GNA14: variants seen among roughly 807,000 people sequenced by gnomAD.
GNA14 encodes the protein guanine nucleotide-binding protein subunit alpha-14.
A neutral mutation model predicts 42.0 loss-of-function variants in GNA14; 50 were observed. That is an observed-to-expected ratio of 1.19 (90% CI 0.95 to 1.51). The LOEUF is 1.51. Among genes scored for constraint, GNA14 ranks in the 40% most tolerant of loss-of-function variants. The probability of loss-of-function intolerance (pLI) is 0.00; values close to 1 mark genes in which losing one functional copy is unlikely to be tolerated. For synonymous variants in GNA14, 173 were observed against 163.1 expected (o/e 1.06, Z -0.46); for missense variants, 473 against 446.2 (o/e 1.06, Z -0.54).
At chr9:77,539,173 G>T (rs548402793) in intron 1 of GNA14, among the ~76,000 whole-genome samples, 5 of 152,292 alleles carry the variant, frequency 3.3e-5, no homozygotes, top group African/African-American at 9.6e-5. Flanking sequence ...TTCAAGGTAT[G>T]TATGTTCCTT....
chr9:77,424,963 A>G (rs1835432233), intron 6 of GNA14, among the ~76,000 whole-genome samples: 2 of 152,168 alleles, frequency 1.3e-5, no homozygotes, highest in South Asian at 4.1e-4. Context: ...TGTACCAGAA[A>G]CAATTAGCAA....
chr9:77,493,197 A>C, intron 2 of GNA14, among the ~76,000 whole-genome samples: 1 of 151,502 alleles, frequency 6.6e-6, no homozygotes, highest in East Asian at 1.9e-4. Context: ...CTGTAAGCCC[A>C]CACAAAGTCT....
At position 77,595,958 on chromosome 9, in the gene GNA14, A is replaced by C. The variant is rs144056144; in HGVS notation, c.124+51712T>G. Among the ~76,000 whole-genome samples the C allele has an allele frequency of 6.4e-3, 970 of 152,148 alleles. 7 individuals are homozygous for C. The highest frequency in any genetic ancestry group is 0.011 in the Non-Finnish European group (742 of 68,000). ...CAGGGCTACATTTGTCTCCCAGGAT[A>C]AGGAGAATAGAGATGGCACACTGGG... On this transcript the variant is annotated intron_variant, in intron 1 of 6. Transcript: ENST00000341700.
intron 1 of GNA14, among the ~76,000 whole-genome samples, chr9:77,627,064 C>G (rs1824023162): frequency 6.6e-6 from 1 of 152,092 alleles, no homozygotes; most frequent in Admixed American, 6.5e-5. Context: ...ACTACTGATC[C>G]CACAGAAATA....
In GNA14 at chr9:77,586,572, T is replaced by C. The variant is rs925559206; in HGVS notation, c.125-57319A>G. Among the ~76,000 whole-genome samples the C allele has an allele frequency of 3.3e-5, 5 of 152,176 alleles. No homozygotes were observed. The South Asian group carries it at 6.2e-4, about 19-fold the overall frequency. On this transcript the variant is annotated intron_variant, in intron 1 of 6. Coordinates refer to ENST00000341700, the MANE Select transcript of GNA14 (RefSeq NM_004297.4). ...AGTAAGTTTAAGAGCAGAGGCTTAA[T>C]AGGCGAAAGAAAGAGAACAGCTCTC...
chr9:77,513,446 C>A (rs1026478692), intron 2 of GNA14, among the ~76,000 whole-genome samples: 1 of 152,210 alleles, frequency 6.6e-6, no homozygotes, highest in Non-Finnish European at 1.5e-5. Context: ...AAGATAAAAT[C>A]ATATATTTCC....
chr9:77,592,874 T>C (rs866501593), intron 1 of GNA14, among the ~76,000 whole-genome samples: 9 of 152,156 alleles, frequency 5.9e-5, no homozygotes, highest in Admixed American at 6.5e-5. Context: ...TAGCACCAAA[T>C]ACAAGCAGGC....
At chr9:77,603,192 AT>A (rs1393212095) in intron 1 of GNA14, among the ~76,000 whole-genome samples, 2 of 152,194 alleles carry the variant, frequency 1.3e-5, no homozygotes, top group Non-Finnish European at 2.9e-5. Context: ...ACCAGAGATC[AT>A]CTCCTACTGT....
At chr9:77,645,708 G>A (rs1424358926) in intron 1 of GNA14, among the ~76,000 whole-genome samples, 2 of 152,112 alleles carry the variant, frequency 1.3e-5, no homozygotes, top group African/African-American at 2.4e-5. Context: ...GTAAATGCGA[G>A]AATTTTACAT....
chr9:77,555,725 C>T (rs1352409981), intron 1 of GNA14, among the ~76,000 whole-genome samples: 2 of 152,140 alleles, frequency 1.3e-5, no homozygotes, highest in Non-Finnish European at 2.9e-5. Flanking sequence ...ACGACGATGT[C>T]CACTGCACCA....
intron 1 of GNA14, among the ~76,000 whole-genome samples, chr9:77,621,287 T>C (rs1174022516): frequency 6.6e-6 from 1 of 152,176 alleles, no homozygotes; most frequent in Non-Finnish European, 1.5e-5. Flanking sequence ...TTTAAACAAA[T>C]GAAGATAATT....
At position 77,577,571 on chromosome 9, in the gene GNA14, G is replaced by C. The variant is rs544199665; in HGVS notation, c.125-48318C>G. 2.3e-3 allele frequency among the ~76,000 whole-genome samples: 350 copies of C among 152,270 alleles called. 1 individual carries two copies. Among genetic ancestry groups the C allele is most frequent in the African/African-American group, 8.2e-3 (342 of 41,552 alleles). On this transcript the variant is annotated intron_variant, in intron 1 of 6. Coordinates refer to ENST00000341700, the MANE Select transcript of GNA14 (RefSeq NM_004297.4). ...CTGTCATCAGTGAGACATGACTTCT[G>C]TTCACCAAAGAGACTTTCAAGAGAC...
At chr9:77,543,275 C>T (rs867560601) in intron 1 of GNA14, among the ~76,000 whole-genome samples, 6 of 152,186 alleles carry the variant, frequency 3.9e-5, no homozygotes, top group Non-Finnish European at 7.3e-5. Flanking sequence ...TCAATGGGAA[C>T]GGCATAGGCA....
At chr9:77,520,160 A>C (rs58071194) in intron 2 of GNA14, among the ~76,000 whole-genome samples, 1 of 152,202 alleles carries the variant, frequency 6.6e-6, no homozygotes, top group African/African-American at 2.4e-5. Context: ...CTAGGATACT[A>C]TTGCAGAGCT....
intron 1 of GNA14, among the ~76,000 whole-genome samples, chr9:77,577,546 C>G (rs1307826265): frequency 6.6e-6 from 1 of 152,182 alleles, no homozygotes; most frequent in East Asian, 1.9e-4. Context: ...CCCTCTAGCA[C>G]TGTCATCAGT....
chr9:77,478,903 G>A (rs892045556), intron 2 of GNA14, among the ~76,000 whole-genome samples: 2 of 152,100 alleles, frequency 1.3e-5, no homozygotes, highest in African/African-American at 2.4e-5. Context: ...ATTTGTTGGA[G>A]TTCATTGTAG....
intron 1 of GNA14, among the ~76,000 whole-genome samples, chr9:77,545,037 A>G (rs1303797769): frequency 7.2e-5 from 11 of 152,184 alleles, no homozygotes; most frequent in Admixed American, 7.2e-4. Flanking sequence ...GTTGAAAAAG[A>G]AAGGGTAAAG....
intron 2 of GNA14, among the ~76,000 whole-genome samples, chr9:77,456,933 C>A (rs1166975924): frequency 6.6e-6 from 1 of 152,106 alleles, no homozygotes; most frequent in African/African-American, 2.4e-5. Context: ...ACGTACTTAC[C>A]TAGGACCATA....
chr9:77,471,814 G>A (rs544039927), intron 2 of GNA14, among the ~76,000 whole-genome samples: 2 of 152,190 alleles, frequency 1.3e-5, no homozygotes, highest in East Asian at 3.9e-4. Flanking sequence ...GACTTATAAA[G>A]GTCATAAAAA....
Sources: gnomAD v4.1 joint callset for allele counts (sites outside exome capture counted in the v4.1 genomes callset) on GRCh38, gnomAD v4.1.1 for gene constraint, MANE v1.5 for transcripts, NCBI Gene and HGNC (gene_info 2026-07-23, HGNC 2026-07-21) for gene names.